WWOX: variants seen among roughly 807,000 people sequenced by gnomAD.
The protein encoded by WWOX is WW domain containing oxidoreductase.
In WWOX, 69 loss-of-function variants were observed where a neutral mutation model predicts 46.2. The ratio of observed to expected loss-of-function variants is 1.49; its 90% CI spans 1.23 to 1.82. WWOX has a LOEUF of 1.82. Among genes scored for constraint, WWOX ranks in the 40% most tolerant of loss-of-function variants. The probability of loss-of-function intolerance (pLI) is 0.00; values close to 1 mark genes in which losing one functional copy is unlikely to be tolerated. For missense variants in WWOX, 919 were observed against 542.6 expected (o/e 1.69, Z -6.89); for synonymous variants, 359 against 202.6 (o/e 1.77, Z -6.56).
chr16:78,253,020 A>G (rs2038027093), intron 5 of WWOX, among the ~76,000 whole-genome samples: 2 of 152,234 alleles, frequency 1.3e-5, no homozygotes, highest in Admixed American at 6.5e-5. Context: ...TAGGCCCTTT[A>G]TAAATGTGGG....
In WWOX at chr16:78,853,737, C is replaced by T. The variant is rs1477363926; in HGVS notation, c.1057-357871C>T. ...GTGTAGTGGGCTTCCTGTTATGAAA[C>T]CCAGCTTGTAAGCATGTATCTACAT... On this transcript the variant is annotated intron_variant, in intron 8 of 8. Coordinates refer to ENST00000566780, the MANE Select transcript of WWOX (RefSeq NM_016373.4). Among the ~76,000 whole-genome samples, 6 of 152,024 alleles carry T rather than the reference C, an allele frequency of 3.9e-5. No individual in the cohort carries two copies. In the East Asian group the frequency reaches 1.2e-3, roughly 29 times the overall value.
chr16:78,449,395 T>C (rs544467871), intron 8 of WWOX, among the ~76,000 whole-genome samples: 16 of 152,276 alleles, frequency 1.1e-4, no homozygotes, highest in African/African-American at 3.8e-4. Flanking sequence ...TTCACAGTGG[T>C]ATGAATCCTG....
intron 8 of WWOX, among the ~76,000 whole-genome samples, chr16:79,140,525 A>G (rs1213327015): frequency 6.6e-6 from 1 of 152,158 alleles, no homozygotes; most frequent in East Asian, 1.9e-4. Context: ...TCAGCAGAAA[A>G]CAATGCAGCC....
At chr16:79,183,774 T>C (rs1197737891) in intron 8 of WWOX, among the ~76,000 whole-genome samples, 1 of 152,220 alleles carries the variant, frequency 6.6e-6, no homozygotes, top group East Asian at 1.9e-4. Context: ...AAAAGTTAAA[T>C]CATCTGCCCT....
chr16:78,808,462 C>T (rs189955700), intron 8 of WWOX, among the ~76,000 whole-genome samples: 2 of 152,128 alleles, frequency 1.3e-5, no homozygotes, highest in East Asian at 1.9e-4. Context: ...GTTATTGAAT[C>T]CATACTAACC....
intron 8 of WWOX, among the ~76,000 whole-genome samples, chr16:78,649,851 T>A (rs115727489): frequency 0.014 from 2,102 of 152,340 alleles, 44 homozygotes; most frequent in African/African-American, 0.048. Flanking sequence ...AGGAATTAAA[T>A]GACCTTGTCT....
rs962539151 is a variant in WWOX at position 78,540,893 on chromosome 16, C to G, written c.1056+108141C>G. Reference sequence around the variant, plus strand: ...TAGAGGTAGAGCCTCACTTTGCTGCCTAGGCTGATCTAGAACTCCTGGCTT... The same window carrying G: ...TAGAGGTAGAGCCTCACTTTGCTGCGTAGGCTGATCTAGAACTCCTGGCTT... On this transcript the variant is annotated intron_variant, in intron 8 of 8. Transcript: ENST00000566780. Among the ~76,000 whole-genome samples, 5 of 152,152 alleles carry G rather than the reference C, an allele frequency of 3.3e-5. No individual in the cohort carries two copies. In the South Asian group the frequency reaches 1.0e-3, roughly 32 times the overall value.
chr16:78,868,408 C>A (rs1451068164), intron 8 of WWOX, among the ~76,000 whole-genome samples: 1 of 150,960 alleles, frequency 6.6e-6, no homozygotes, highest in African/African-American at 2.4e-5. Context: ...AAGGGTGGGG[C>A]AATTTTGGGG....
intron 6 of WWOX, among the ~76,000 whole-genome samples, chr16:78,387,978 G>C (rs1567542582): frequency 6.6e-6 from 1 of 152,068 alleles, no homozygotes; most frequent in Non-Finnish European, 1.5e-5. Flanking sequence ...AAGGATGTGA[G>C]GGAAGGGATC....
intron 8 of WWOX, among the ~76,000 whole-genome samples, chr16:78,722,563 C>T (rs1437348953): frequency 6.6e-6 from 1 of 152,108 alleles, no homozygotes; most frequent in African/African-American, 2.4e-5. Flanking sequence ...AGGAGTTTTT[C>T]TGCCCCTCCA....
intron 8 of WWOX, among the ~76,000 whole-genome samples, chr16:78,824,750 T>C (rs1017084587): frequency 2.6e-5 from 4 of 152,080 alleles, no homozygotes; most frequent in African/African-American, 9.7e-5. Context: ...GCCCACATGA[T>C]TGAGTTACCT....
At chr16:78,979,852 G>A (rs557406510) in intron 8 of WWOX, among the ~76,000 whole-genome samples, 1 of 152,174 alleles carries the variant, frequency 6.6e-6, no homozygotes, top group African/African-American at 2.4e-5. Context: ...AACGTGGCTG[G>A]GTGCAGTGGC....
chr16:78,666,603 G>T (rs1267631255), intron 8 of WWOX, among the ~76,000 whole-genome samples: 1 of 152,160 alleles, frequency 6.6e-6, no homozygotes, highest in African/African-American at 2.4e-5. Context: ...TCGCATGTGG[G>T]CCTGGAGTCA....
intron 8 of WWOX, among the ~76,000 whole-genome samples, chr16:78,941,434 G>A (rs550186420): frequency 2.9e-4 from 44 of 151,474 alleles, no homozygotes; most frequent in African/African-American, 9.2e-4. Flanking sequence ...CCTCGTAAGC[G>A]CATCATTACC....
rs139170787 is a variant in WWOX at position 78,545,652 on chromosome 16, C to T, written c.1056+112900C>T. 3.4e-3 allele frequency among the ~76,000 whole-genome samples: 512 copies of T among 152,282 alleles called. 3 individuals carry two copies. The highest frequency in any genetic ancestry group is 8.8e-3 in the African/African-American group (364 of 41,536). ...TGAGTCTCTATTCTGAAACAGGCAC[C>T]GTGTTCATTTGCTATGGCTAACATG... is the stretch of plus-strand genomic sequence containing the variant. On this transcript the variant is annotated intron_variant, in intron 8 of 8. Coordinates refer to ENST00000566780, the MANE Select transcript of WWOX (RefSeq NM_016373.4).
intron 8 of WWOX, among the ~76,000 whole-genome samples, chr16:78,717,681 C>G (rs183400463): frequency 1.3e-5 from 2 of 152,298 alleles, no homozygotes; most frequent in African/African-American, 4.8e-5. Flanking sequence ...AGAAGAGGCA[C>G]TGAAGGGCAA....
intron 8 of WWOX, among the ~76,000 whole-genome samples, chr16:78,752,584 C>A (rs539347753): frequency 6.6e-6 from 1 of 152,162 alleles, no homozygotes; most frequent in African/African-American, 2.4e-5. Context: ...AATATTCTTT[C>A]TAATATGATT....
intron 8 of WWOX, among the ~76,000 whole-genome samples, chr16:78,826,968 C>T (rs1165033034): frequency 6.6e-6 from 1 of 152,132 alleles, no homozygotes; most frequent in Non-Finnish European, 1.5e-5. Flanking sequence ...TTCTTCCTTG[C>T]CTCTTGAGGA....
chr16:79,166,434 C>T (rs117727599), intron 8 of WWOX, among the ~76,000 whole-genome samples: 2 of 152,274 alleles, frequency 1.3e-5, no homozygotes, highest in East Asian at 3.9e-4. Flanking sequence ...GATAAATCCT[C>T]CCTCCTTTGT....
Sources: gnomAD v4.1 joint callset for allele counts (sites outside exome capture counted in the v4.1 genomes callset) on GRCh38, gnomAD v4.1.1 for gene constraint, MANE v1.5 for transcripts, NCBI Gene and HGNC (gene_info 2026-07-23, HGNC 2026-07-21) for gene names.